TCEA3: variants seen among roughly 807,000 people sequenced by gnomAD.
The protein encoded by TCEA3 is transcription elongation factor A3.
TCEA3 carries 36 observed loss-of-function variants against 44.0 expected under a neutral mutation model. The ratio of observed to expected loss-of-function variants is 0.82; its 90% CI spans 0.63 to 1.08. The LOEUF (loss-of-function observed/expected upper bound fraction) is 1.08. Among genes scored for constraint, TCEA3 ranks in the 50% least tolerant of loss-of-function variants. The probability of loss-of-function intolerance (pLI) is 0.00; values close to 1 mark genes in which losing one functional copy is unlikely to be tolerated. For missense variants in TCEA3, 392 were observed against 441.2 expected (o/e 0.89, Z 1.00); for synonymous variants, 162 against 159.7 (o/e 1.01, Z -0.11).
At position 23,393,874 on chromosome 1, in the gene TCEA3, C is replaced by T. The variant is rs1398594622; in HGVS notation, c.819+5G>A. ...TGCCTCACCATGCAGATGCCCTGCT[C>T]TCACCTCTGCCGTCATCTTGGCTAT... On this transcript the variant is annotated splice_donor_5th_base_variant and intron_variant, in intron 8 of 10. Transcript: ENST00000450454. The T allele has an allele frequency of 1.2e-6, 2 of 1,612,816 alleles. No homozygotes were observed. The highest frequency in any genetic ancestry group is 1.3e-5 in the African/African-American group (1 of 75,070).
chr1:23,399,136 G>GTGTGTGTATA (rs1553167272), intron 5 of TCEA3, among the ~76,000 whole-genome samples: 1 of 58,662 alleles, frequency 1.7e-5, no homozygotes, highest in African/African-American at 3.7e-5. Context: ...TTATATATAT[G>GTGTGTGTATA]TATATATGTA....
chr1:23,417,880 C>T (rs1405690964), intron 3 of TCEA3, 24 bp downstream of exon 3: 1 of 1,610,756 alleles, frequency 6.2e-7, no homozygotes, highest in Non-Finnish European at 8.5e-7. Context: ...AAACAGGGCT[C>T]AAGACAACCT....
chr1:23,397,494 G>C, intron 7 of TCEA3, 51 bp downstream of exon 7: 1 of 1,568,938 alleles, frequency 6.4e-7, no homozygotes, highest in Non-Finnish European at 8.7e-7. Flanking sequence ...CCTTGGATGG[G>C]TGCTGCTAGA....
At chr1:23,400,458 C>G (rs1475725697) in intron 5 of TCEA3, among the ~76,000 whole-genome samples, 2 of 150,712 alleles carry the variant, frequency 1.3e-5, no homozygotes, top group African/African-American at 5.0e-5. Context: ...ATCCATTCGC[C>G]TTGGCCTCCC....
intron 5 of TCEA3, among the ~76,000 whole-genome samples, chr1:23,405,277 G>A (rs1639510090): frequency 1.3e-5 from 2 of 152,076 alleles, no homozygotes; most frequent in Non-Finnish European, 2.9e-5. Flanking sequence ...AATCATGCAG[G>A]AAACAGTCTG....
intron 8 of TCEA3, among the ~76,000 whole-genome samples, chr1:23,392,448 A>G (rs796330344): frequency 4.3e-3 from 107 of 24,666 alleles, no homozygotes; most frequent in Non-Finnish European, 8.0e-3. Flanking sequence ...CATGCACAAT[A>G]CACACACACT....
intron 8 of TCEA3, among the ~76,000 whole-genome samples, chr1:23,388,176 A>G (rs1473317298): frequency 6.6e-6 from 1 of 151,620 alleles, no homozygotes; most frequent in Non-Finnish European, 1.5e-5. Flanking sequence ...GGCTGACGCG[A>G]ATCTCAAAAT....
chr1:23,391,936 A>G (rs558263957), intron 8 of TCEA3, among the ~76,000 whole-genome samples: 1 of 152,220 alleles, frequency 6.6e-6, no homozygotes, highest in South Asian at 2.1e-4. Context: ...AAACAAGCAA[A>G]CAAAAAAAAA....
intron 4 of TCEA3, among the ~76,000 whole-genome samples, chr1:23,415,529 C>T (rs954990590): frequency 6.6e-6 from 1 of 152,214 alleles, no homozygotes; most frequent in African/African-American, 2.4e-5. Flanking sequence ...CCTTCATTTG[C>T]CAAGGTTCTC....
intron 9 of TCEA3, 29 bp downstream of exon 9, chr1:23,387,244 C>T (rs778265484): frequency 1.9e-6 from 3 of 1,610,754 alleles, no homozygotes; most frequent in South Asian, 1.1e-5. Context: ...GCCTCCTGCA[C>T]CTCCGGCCCG....
chr1:23,395,272 T>A (rs1639181994), intron 7 of TCEA3, among the ~76,000 whole-genome samples: 1 of 152,216 alleles, frequency 6.6e-6, no homozygotes, highest in Non-Finnish European at 1.5e-5. Flanking sequence ...GGGCTGGCGA[T>A]ACTTTCACCA....
intron 4 of TCEA3, among the ~76,000 whole-genome samples, chr1:23,413,902 AGAGTGTAATTCAATTTTATTAAAAC>A (rs1422269041): frequency 6.6e-6 from 1 of 151,362 alleles, no homozygotes; most frequent in African/African-American, 2.4e-5. Flanking sequence ...AATAGTATAC[AGAGTGTAATTCAATTTTATTAAAAC>A]AAATAGGTAT....
In TCEA3 at chr1:23,415,360, A is replaced by G. The variant is rs1394713766; in HGVS notation, c.380+1889T>C. On this transcript the variant is annotated intron_variant, in intron 4 of 10. Coordinates refer to ENST00000450454, the MANE Select transcript of TCEA3 (RefSeq NM_003196.3). ...ATTCAGTGGGGCTTGGGGATGGAGC[A>G]AACAAAAACAAAAACTGCATGTGTT... 3.9e-5 allele frequency among the ~76,000 whole-genome samples: 6 copies of G among 152,310 alleles called. No homozygotes were observed. The East Asian group carries it at 1.2e-3, about 29-fold the overall frequency.
At chr1:23,409,885 G>A (rs1041963278) in intron 4 of TCEA3, among the ~76,000 whole-genome samples, 5 of 151,928 alleles carry the variant, frequency 3.3e-5, no homozygotes, top group Admixed American at 2.0e-4. Context: ...TTTATTGTCC[G>A]ACACCCCATG....
At chr1:23,397,001 G>A (rs896119768) in intron 7 of TCEA3, among the ~76,000 whole-genome samples, 12 of 114,338 alleles carry the variant, frequency 1.0e-4, no homozygotes, top group Middle Eastern at 6.0e-3. Context: ...GTGAAACTCC[G>A]TCTCAAAAAA....
rs1639925490 is a variant in TCEA3, at chr1:23,417,403, G to T, written c.239-13C>A. The T allele has an allele frequency of 1.9e-6, 3 of 1,611,062 alleles. No individual in the cohort carries two copies. The highest frequency in any genetic ancestry group is 2.5e-6 in the Non-Finnish European group (3 of 1,179,154). ...GGTCCAGGGGAGTCTGAAAACAAAA[G>T]GGTGGCATTGTCCCTCAGCTAAGCT... On this transcript the variant is annotated splice_polypyrimidine_tract_variant and intron_variant, in intron 3 of 10. Transcript: ENST00000450454.
chr1:23,404,175 T>C (rs1382346634), intron 5 of TCEA3: 12 of 702,158 alleles, frequency 1.7e-5, no homozygotes, highest in Non-Finnish European at 2.9e-5. Flanking sequence ...AAATGGCAAA[T>C]CATTCTGATA....
chr1:23,381,623 G>C, intron 10 of TCEA3, 149 bp from the exon 11 acceptor site: 1 of 680,372 alleles, frequency 1.5e-6, no homozygotes. Context: ...GTGTGATCTT[G>C]AACAAATCAC....
intron 9 of TCEA3, among the ~76,000 whole-genome samples, chr1:23,386,852 C>G (rs1012075249): frequency 3.9e-5 from 6 of 152,210 alleles, no homozygotes; most frequent in Admixed American, 2.6e-4. Flanking sequence ...TCCTGAGTAG[C>G]TGGGACTACA....
Sources: gnomAD v4.1 joint callset for allele counts (sites outside exome capture counted in the v4.1 genomes callset) on GRCh38, gnomAD v4.1.1 for gene constraint, MANE v1.5 for transcripts, NCBI Gene and HGNC (gene_info 2026-07-23, HGNC 2026-07-21) for gene names.